ARHGAP27: variants seen among roughly 807,000 people sequenced by gnomAD.
ARHGAP27 encodes rho GTPase-activating protein 27.
ARHGAP27 carries 53 observed loss-of-function variants against 102.0 expected under a neutral mutation model. That is an observed-to-expected ratio of 0.52 (90% confidence interval 0.42 to 0.65). ARHGAP27 has a LOEUF of 0.65. ARHGAP27 is among the 30% of genes least tolerant of loss of function. ARHGAP27 has a pLI of 0.00. For synonymous variants in ARHGAP27, 525 were observed against 542.8 expected, an observed-to-expected ratio of 0.97 and a Z score of 0.46; for missense variants, 1,117 against 1,256.2, an observed-to-expected ratio of 0.89 and a Z score of 1.68.
At chr17:45,401,413 T>C (rs1009226160) in intron 12 of ARHGAP27, among the ~76,000 whole-genome samples, 2 of 152,248 alleles carry the variant, frequency 1.3e-5, no homozygotes, top group African/African-American at 4.8e-5. Flanking sequence ...GAGTAGCTCA[T>C]GAGATGAAAC....
At chr17:45,415,169 T>C (rs529964654) in intron 4 of ARHGAP27, among the ~76,000 whole-genome samples, 2 of 152,156 alleles carry the variant, frequency 1.3e-5, no homozygotes, top group South Asian at 4.2e-4. Flanking sequence ...ACTTCTCTGT[T>C]CCCTCACTTA....
At chr17:45,413,324 C>T (rs531645024) in intron 4 of ARHGAP27, among the ~76,000 whole-genome samples, 2 of 152,152 alleles carry the variant, frequency 1.3e-5, no homozygotes, top group South Asian at 2.1e-4. Context: ...CCAAATGTAA[C>T]GGTTTCAGGT....
intron 4 of ARHGAP27, among the ~76,000 whole-genome samples, chr17:45,420,832 T>C (rs2048959335): frequency 6.6e-6 from 1 of 150,664 alleles, no homozygotes; most frequent in Admixed American, 6.7e-5. Flanking sequence ...GGGGCGCCTG[T>C]AGTCCCAGCT....
intron 5 of ARHGAP27, 91 bp downstream of exon 5, chr17:45,405,585 C>G: frequency 6.8e-7 from 1 of 1,473,548 alleles, no homozygotes; most frequent in South Asian, 1.4e-5. Context: ...ATCACCACCC[C>G]CTCACCCGTG....
Position 45,430,855 on chromosome 17 carries a change from C to T in ARHGAP27, c.-18-558G>A, listed in dbSNP as rs1183591356. The stretch of plus-strand genomic sequence containing the variant: ...GTTGGAATGTGGGCTCTGTAGGGGG[C>T]CGAGCGAACAGCTCTACCTGGGGGC... On this transcript the variant is annotated intron_variant, in intron 3 of 19. Coordinates refer to ENST00000685559, the MANE Select transcript of ARHGAP27 (RefSeq NM_001282290.2). This position sits in a 1 kb window ranked among gnomAD's most constrained non-coding sequence, Gnocchi z 4.4. 2.6e-5 allele frequency among the ~76,000 whole-genome samples: 4 copies of T among 152,132 alleles called. No individual in the cohort carries two copies. Among genetic ancestry groups the T allele is most frequent in the African/African-American group, 9.7e-5 (4 of 41,420 alleles).
chr17:45,404,173 T>C (rs1467279484), intron 9 of ARHGAP27, 77 bp from the exon 10 acceptor site: 2 of 1,605,992 alleles, frequency 1.2e-6, no homozygotes, highest in African/African-American at 1.3e-5. Flanking sequence ...GCTGGTCACC[T>C]GCTCAGCTGC....
At position 45,396,905 on chromosome 17, in the gene ARHGAP27, C is replaced by T. The variant is rs757424661; in HGVS notation, c.1951+11G>A. The T allele has an allele frequency of 2.5e-6, 4 of 1,607,196 alleles. No individual in the cohort carries two copies. Among genetic ancestry groups the T allele is most frequent in the Non-Finnish European group, 3.4e-6 (4 of 1,179,932 alleles). The stretch of plus-strand genomic sequence containing the variant: ...TCCTGGAGCCCCCACCCCATCCTGC[C>T]TTGCGCACACCTGCATTCGGTCGCG... On this transcript the variant is annotated intron_variant, in intron 14 of 19. Transcript: ENST00000685559.
chr17:45,396,188 G>T lies in ARHGAP27; in HGVS notation c.2251+19C>A. 1 of 1,599,906 alleles carries T rather than the reference G, an allele frequency of 6.3e-7. No homozygotes were observed. Among genetic ancestry groups the T allele is most frequent in the South Asian group, 1.1e-5 (1 of 89,168 alleles). On this transcript the variant is annotated intron_variant, in intron 17 of 19. Coordinates refer to ENST00000685559, the MANE Select transcript of ARHGAP27 (RefSeq NM_001282290.2). Reference sequence around the variant, plus strand: ...TTGCGCCTTCAGGCCCTGGGGCAGGGGTTGGGGACGGGCCTCACCGTGGTC... The same window carrying T: ...TTGCGCCTTCAGGCCCTGGGGCAGGTGTTGGGGACGGGCCTCACCGTGGTC...
chr17:45,405,079 C>T lies in ARHGAP27; in HGVS notation c.1093G>A (p.Glu365Lys). The change falls in exon 6 of 20, where the codon GAG becomes AAG. Residue 365 changes from glutamate (E) to lysine (K), a missense_variant. Glu to Lys is a moderately conservative substitution (Grantham distance 56). Coordinates refer to ENST00000685559, the MANE Select transcript of ARHGAP27 (RefSeq NM_001282290.2). ...TCCTCGGGGTAACTGGTCAGCGACT[C>T]GGGGTAGTCCGTCTCGGGAGTGGGG... The part of the protein sequence containing the change: ...RPPTPETDYP[E>K]SLTSYPEEDY... 6.3e-7 allele frequency: 1 copy of T among 1,594,914 alleles called. No homozygotes were observed. Among genetic ancestry groups the T allele is most frequent in the African/African-American group, 1.3e-5 (1 of 74,752 alleles).
intron 9 of ARHGAP27, 75 bp downstream of exon 9, chr17:45,404,194 G>A (rs2046835135): frequency 1.2e-6 from 2 of 1,609,278 alleles, no homozygotes; most frequent in Non-Finnish European, 1.7e-6. Context: ...CACTCTCTAT[G>A]GTCTGGGCCC....
At chr17:45,402,417 C>T (rs760510119) in intron 12 of ARHGAP27, among the ~76,000 whole-genome samples, 54 of 152,144 alleles carry the variant, frequency 3.5e-4, no homozygotes, top group Non-Finnish European at 6.0e-4. Context: ...TCCCCTGGGG[C>T]GGGGGTGCAG....
At chr17:45,420,770 C>T (rs1327285584) in intron 4 of ARHGAP27, among the ~76,000 whole-genome samples, 3 of 151,532 alleles carry the variant, frequency 2.0e-5, no homozygotes, top group Non-Finnish European at 2.9e-5. Flanking sequence ...CTGGCTAACA[C>T]GGTGAAACCC....
chr17:45,395,411 T>C lies in ARHGAP27; in HGVS notation c.*45A>G, dbSNP rs1343334311. 5.9e-6 allele frequency: 9 copies of C among 1,525,348 alleles called. No individual in the cohort carries two copies. Among genetic ancestry groups the C allele is most frequent in the East Asian group, 2.5e-5 (1 of 40,660 alleles). The allele number at this position is 1,525,348 out of a possible 1,614,324, so 94.5% of individuals were successfully genotyped here. A position where few individuals can be genotyped will look rare whatever the true frequency, so the allele number is the denominator to read the frequency against. ...GGCTGCGTGGCCTCCGCCGCCCAGC[T>C]TGTGTGGCAGGACCGCGGCCGCCGC... On this transcript the variant is annotated 3_prime_UTR_variant, in exon 20 of 20. Transcript: ENST00000685559.
chr17:45,402,046 G>T (rs2046498969), intron 12 of ARHGAP27, among the ~76,000 whole-genome samples: 1 of 152,210 alleles, frequency 6.6e-6, no homozygotes. Context: ...GAAGGGTGTG[G>T]CATTGGGAGT....
At chr17:45,406,795 C>T (rs377652611) in intron 4 of ARHGAP27, among the ~76,000 whole-genome samples, 15 of 152,282 alleles carry the variant, frequency 9.9e-5, no homozygotes, top group Middle Eastern at 3.4e-3. Flanking sequence ...CCACCCCACC[C>T]CACTCTCAGC....
At chr17:45,403,999 G>C (rs1461907916) in intron 10 of ARHGAP27, 30 bp downstream of exon 10, 1 of 1,612,238 alleles carries the variant, frequency 6.2e-7, no homozygotes, top group Admixed American at 1.7e-5. Flanking sequence ...GGCCCACCCT[G>C]CCCCGGCCTG....
At chr17:45,419,722 G>C (rs1049408105) in intron 4 of ARHGAP27, among the ~76,000 whole-genome samples, 2 of 151,312 alleles carry the variant, frequency 1.3e-5, no homozygotes, top group African/African-American at 4.9e-5. Context: ...TGTAATAATA[G>C]ACAAAGGATT....
In ARHGAP27 at chr17:45,430,543, G is replaced by A. The variant is rs1029134764; in HGVS notation, c.-18-246C>T. On this transcript the variant is annotated intron_variant, in intron 3 of 19. Transcript: ENST00000685559. The surrounding 1 kb of genome is among the most constrained non-coding windows in gnomAD (Gnocchi z 4.4). ...GGGTTGATTCTAAGATTTGACCCTT[G>A]CTTCAGTCCTGCGGTGGGGAGATTG... Among the ~76,000 whole-genome samples, 1 of 152,216 alleles carries A rather than the reference G, an allele frequency of 6.6e-6. No individual in the cohort carries two copies. The highest frequency in any genetic ancestry group is 1.5e-5 in the Non-Finnish European group (1 of 68,038).
intron 4 of ARHGAP27, among the ~76,000 whole-genome samples, chr17:45,420,142 CATT>C (rs1240548299): frequency 6.6e-6 from 1 of 152,146 alleles, no homozygotes; most frequent in East Asian, 1.9e-4. Flanking sequence ...TTCATTATGA[CATT>C]GTTGTAACAG....
Sources: allele counts gnomAD v4.1 joint callset (sites outside exome capture counted in the v4.1 genomes callset), GRCh38; gene constraint gnomAD v4.1.1; non-coding constraint Gnocchi (gnomAD v3.1); transcripts MANE v1.5; gene names NCBI Gene and HGNC (gene_info 2026-07-23, HGNC 2026-07-21).